PLAC1: variants seen among roughly 807,000 people sequenced by gnomAD.
PLAC1 encodes the protein placenta associated 1.
For missense variants in PLAC1, 136 were observed against 163.2 expected (o/e 0.83, Z 0.91); for synonymous variants, 68 against 62.1 (o/e 1.09, Z -0.44).
chrX:134,619,623 C>A, intron 1 of PLAC1, among the ~76,000 whole-genome samples: 1 of 105,610 alleles, frequency 9.5e-6, no homozygotes, highest in Admixed American at 1.0e-4. Flanking sequence ...TGCACTTGAG[C>A]CTGGGTGACA....
chrX:134,718,095 T>C (rs2078648331), intron 2 of PLAC1, among the ~76,000 whole-genome samples: 2 of 111,741 alleles, frequency 1.8e-5, no homozygotes, highest in Non-Finnish European at 3.8e-5. Context: ...CTTGGAAAGT[T>C]TGAGTTAAAC....
intron 2 of PLAC1, among the ~76,000 whole-genome samples, chrX:134,705,001 T>TATATATAG (rs1491459360): frequency 4.2e-5 from 3 of 70,641 alleles, no homozygotes; most frequent in African/African-American, 1.7e-4. Context: ...TCAAAAAAAT[T>TATATATAG]ATATATATAT....
At chrX:134,759,395 C>T (rs5975478) in intron 1 of PLAC1, among the ~76,000 whole-genome samples, 4,504 of 111,022 alleles carry the variant, frequency 0.041, 218 homozygotes, top group African/African-American at 0.14. Flanking sequence ...TTGATCCACC[C>T]GCCTCGGCCT....
At chrX:134,570,504 T>A (rs1290980167) in intron 2 of PLAC1, among the ~76,000 whole-genome samples, 2 of 111,573 alleles carry the variant, frequency 1.8e-5, no homozygotes, top group Middle Eastern at 4.6e-3. Context: ...TTGGGACTAC[T>A]GTCCAGCTTC....
At chrX:134,640,348 G>C (rs999663145) in intron 1 of PLAC1, among the ~76,000 whole-genome samples, 1 of 111,032 alleles carries the variant, frequency 9.0e-6, no homozygotes, top group Admixed American at 9.6e-5. Context: ...TTTCTGGGGG[G>C]TCCAATCAAT....
intron 1 of PLAC1, among the ~76,000 whole-genome samples, chrX:134,649,381 G>A (rs1443378636): frequency 2.7e-5 from 3 of 110,653 alleles, no homozygotes; most frequent in Non-Finnish European, 5.7e-5. Context: ...TATTGTATCT[G>A]TATGGTGGAA....
rs997386460 is a variant in PLAC1, at chrX:134,612,466, C to T, written c.-130-10344G>A. Among the ~76,000 whole-genome samples, 4 of 112,256 alleles carry T rather than the reference C, an allele frequency of 3.6e-5. No individual in the cohort carries two copies. In the East Asian group the frequency reaches 1.1e-3, roughly 31 times the overall value. On this transcript the variant is annotated intron_variant, in intron 1 of 2. Coordinates refer to ENST00000359237, the MANE Select transcript of PLAC1 (RefSeq NM_021796.4). ...TATCAAATGTTTCATCTCTTATAAG[C>T]TAAAAACTACTTGCAGCAATTAAAC... is the stretch of plus-strand genomic sequence containing the variant.
At chrX:134,611,040 G>A (rs1037735179) in intron 1 of PLAC1, among the ~76,000 whole-genome samples, 2 of 109,206 alleles carry the variant, frequency 1.8e-5, no homozygotes, top group Non-Finnish European at 3.8e-5. Flanking sequence ...CACCATGGCT[G>A]GCTAATTTTT....
chrX:134,742,272 G>C (rs1019179982), intron 1 of PLAC1, among the ~76,000 whole-genome samples: 6 of 113,117 alleles, frequency 5.3e-5, no homozygotes, highest in Non-Finnish European at 1.1e-4. Flanking sequence ...GCACAGCCTG[G>C]AGCATGGAGT....
chrX:134,588,008 C>T (rs369989195), intron 2 of PLAC1, among the ~76,000 whole-genome samples: 1 of 112,009 alleles, frequency 8.9e-6, no homozygotes. Flanking sequence ...GTTTTACCCC[C>T]ACTTAAAAAT....
chrX:134,581,352 G>A (rs1344515087), intron 2 of PLAC1, among the ~76,000 whole-genome samples: 2 of 110,967 alleles, frequency 1.8e-5, no homozygotes, highest in Non-Finnish European at 3.8e-5. Context: ...CACTTACTGA[G>A]TTTGAAGAAA....
At chrX:134,726,697 C>A (rs778004815) in intron 2 of PLAC1, among the ~76,000 whole-genome samples, 13 of 108,327 alleles carry the variant, frequency 1.2e-4, no homozygotes, top group Non-Finnish European at 2.1e-4. Context: ...GTGGCATGCG[C>A]CTGTAGTCCC....
At chrX:134,687,885 C>T (rs1378739604) in intron 2 of PLAC1, among the ~76,000 whole-genome samples, 1 of 83,363 alleles carries the variant, frequency 1.2e-5, no homozygotes, top group Non-Finnish European at 2.2e-5. Flanking sequence ...AGCACAACGT[C>T]TGACACATTG....
chrX:134,714,405 G>T (rs757568145), intron 2 of PLAC1, among the ~76,000 whole-genome samples: 1 of 109,021 alleles, frequency 9.2e-6, no homozygotes, highest in East Asian at 2.9e-4. Context: ...TAGAATCCCT[G>T]GCTTTCACCA....
Position 134,566,475 on chromosome X carries a change from C to T in PLAC1, c.208G>A (p.Ala70Thr), listed in dbSNP as rs779814950. The T allele has an allele frequency of 9.9e-6, 12 of 1,211,447 alleles. No individual in the cohort carries two copies. In the South Asian group the frequency reaches 1.2e-4, roughly 12 times the overall value. ...GCPPNHVQPH[A>T]YQFTYRVTEC... ...GTAACACGGTAGGTGAACTGGTAGG[C>T]GTGTGGCTGAACATGGTTTGGGGGG... The change falls in exon 3 of 3, where the codon GCC becomes ACC. Residue 70 changes from alanine to threonine, a missense_variant. Coordinates refer to ENST00000359237, the MANE Select transcript of PLAC1 (RefSeq NM_021796.4).
chrX:134,727,899 A>G (rs893925521), intron 2 of PLAC1, among the ~76,000 whole-genome samples: 3 of 112,531 alleles, frequency 2.7e-5, no homozygotes, highest in African/African-American at 9.7e-5. Context: ...CTAAAGAACT[A>G]AAATATGAGA....
intron 1 of PLAC1, among the ~76,000 whole-genome samples, chrX:134,757,876 T>A (rs760419304): frequency 9.0e-6 from 1 of 111,549 alleles, no homozygotes; most frequent in African/African-American, 3.2e-5. Flanking sequence ...GTGTTTAATC[T>A]TCATGAAGGG....
At chrX:134,656,316 C>A (rs1203260758) in intron 1 of PLAC1, among the ~76,000 whole-genome samples, 1 of 111,995 alleles carries the variant, frequency 8.9e-6, no homozygotes, top group Non-Finnish European at 1.9e-5. Flanking sequence ...GCTTATCTGG[C>A]CTTCCATTTT....
At chrX:134,647,328 G>C (rs1357597324) in intron 1 of PLAC1, among the ~76,000 whole-genome samples, 1 of 110,921 alleles carries the variant, frequency 9.0e-6, no homozygotes, top group Non-Finnish European at 1.9e-5. Context: ...CTCTACTTTT[G>C]CTTCCATAAT....
Sources: allele counts gnomAD v4.1 joint callset (sites outside exome capture counted in the v4.1 genomes callset), GRCh38; gene constraint gnomAD v4.1.1; transcripts MANE v1.5; gene names NCBI Gene and HGNC (gene_info 2026-07-23, HGNC 2026-07-21).